Variants in TPD52 observed in about 807,000 individuals in gnomAD.
The protein encoded by TPD52 is tumor protein D52, also known as prostate and colon associated protein.
A neutral mutation model predicts 31.3 loss-of-function variants in TPD52; 17 were observed. The observed-to-expected ratio is 0.54, with a 90% CI of 0.37 to 0.82. The LOEUF is 0.82. Among genes scored for constraint, TPD52 ranks in the 40% least tolerant of loss-of-function variants. The pLI is 0.00. For missense variants in TPD52, 212 were observed against 240.1 expected, an observed-to-expected ratio of 0.88 and a Z score of 0.77; for synonymous variants, 83 against 89.6, an observed-to-expected ratio of 0.93 and a Z score of 0.42.
At chr8:80,062,664 A>G (rs906459868) in intron 2 of TPD52, among the ~76,000 whole-genome samples, 1 of 152,174 alleles carries the variant, frequency 6.6e-6, no homozygotes, top group African/African-American at 2.4e-5. Context: ...GTGCTTCCCA[A>G]AAAAACTTGA....
chr8:80,112,516 TAAAG>T (rs1807565522), intron 1 of TPD52, among the ~76,000 whole-genome samples: 3 of 152,180 alleles, frequency 2.0e-5, no homozygotes, highest in South Asian at 2.1e-4. Flanking sequence ...AGTCCATAAA[TAAAG>T]AAACACTAGA....
intron 1 of TPD52, among the ~76,000 whole-genome samples, chr8:80,096,178 C>T (rs948105127): frequency 4.0e-5 from 6 of 151,600 alleles, no homozygotes; most frequent in Admixed American, 1.3e-4. Context: ...ATTGTTTAAG[C>T]CCAGGTGGTC....
intron 1 of TPD52, among the ~76,000 whole-genome samples, chr8:80,069,358 C>T (rs991187320): frequency 6.6e-6 from 1 of 152,114 alleles, no homozygotes; most frequent in African/African-American, 2.4e-5. Context: ...CCCAGCTACT[C>T]AGGAGGCTGT....
At position 80,037,470 on chromosome 8, in the gene TPD52, C is replaced by T. The variant is rs997976009; in HGVS notation, c.*646G>A. On this transcript the variant is annotated 3_prime_UTR_variant, in exon 8 of 8. Coordinates refer to ENST00000518937, the MANE Select transcript of TPD52 (RefSeq NM_001025253.3). ...GTGCTAAATAATGATATAGGAGGTT[C>T]CACTCTCAAGTCACCTAGAAGTTTG... 1.8e-4 allele frequency: 28 copies of T among 152,114 alleles called. 1 individual carries two copies. The highest frequency in any genetic ancestry group is 1.8e-3 in the Admixed American group (28 of 15,276). The allele number at this position is 152,114 out of a possible 1,614,324, so 9.4% of individuals were successfully genotyped here. A position where few individuals can be genotyped will look rare whatever the true frequency, so the allele number is the denominator to read the frequency against.
At chr8:80,124,470 GC>G (rs1224012926) in intron 1 of TPD52, among the ~76,000 whole-genome samples, 5 of 152,156 alleles carry the variant, frequency 3.3e-5, no homozygotes, top group African/African-American at 2.4e-5. Flanking sequence ...ACCCTGCCCA[GC>G]CTGGCAAGTT....
At chr8:80,065,289 C>A (rs947708306) in intron 1 of TPD52, among the ~76,000 whole-genome samples, 1 of 114,118 alleles carries the variant, frequency 8.8e-6, no homozygotes, top group Non-Finnish European at 1.9e-5. Context: ...ATCTATATAT[C>A]TATATCTATC....
At chr8:80,076,502 A>AGAGGGTG (rs1348127398) in intron 1 of TPD52, among the ~76,000 whole-genome samples, 1 of 151,898 alleles carries the variant, frequency 6.6e-6, no homozygotes, top group African/African-American at 2.4e-5. Flanking sequence ...GGGGCCTACC[A>AGAGGGTG]GAGGGTGGAG....
chr8:80,099,292 T>C (rs1341088838), intron 1 of TPD52, among the ~76,000 whole-genome samples: 2 of 152,312 alleles, frequency 1.3e-5, no homozygotes, highest in South Asian at 4.1e-4. Flanking sequence ...TATTATAATA[T>C]CAAATGCCAT....
chr8:80,127,966 C>A (rs1447207339), intron 1 of TPD52, among the ~76,000 whole-genome samples: 1 of 151,348 alleles, frequency 6.6e-6, no homozygotes, highest in African/African-American at 2.4e-5. Flanking sequence ...CTCTTCTGTG[C>A]TGCTTGGTTT....
chr8:80,165,724 G>C (rs886966962), intron 1 of TPD52, among the ~76,000 whole-genome samples: 3 of 152,122 alleles, frequency 2.0e-5, no homozygotes, highest in African/African-American at 7.2e-5. Flanking sequence ...TTTTGACCTA[G>C]TATATAATCG....
intron 2 of TPD52, among the ~76,000 whole-genome samples, chr8:80,064,060 G>T (rs1169511012): frequency 6.7e-6 from 1 of 149,350 alleles, no homozygotes; most frequent in African/African-American, 2.5e-5. Flanking sequence ...GGAAGGGAAG[G>T]GAGGGGAGGG....
At chr8:80,138,638 T>C (rs188661791) in intron 1 of TPD52, among the ~76,000 whole-genome samples, 5 of 152,278 alleles carry the variant, frequency 3.3e-5, no homozygotes, top group Admixed American at 3.3e-4. Flanking sequence ...CACTCTCAAA[T>C]GTTGTAACCA....
At chr8:80,045,238 T>C (rs1810725891) in intron 5 of TPD52, among the ~76,000 whole-genome samples, 1 of 152,058 alleles carries the variant, frequency 6.6e-6, no homozygotes, top group Non-Finnish European at 1.5e-5. Flanking sequence ...TTTGGATCTA[T>C]CAAAGTGTGC....
rs564453064 is a variant in TPD52 at position 80,122,186 on chromosome 8, G to A, written c.19+49239C>T. 9.9e-5 allele frequency among the ~76,000 whole-genome samples: 15 copies of A among 152,190 alleles called. No homozygotes were observed. In the South Asian group the frequency reaches 2.9e-3, roughly 29 times the overall value. Reference sequence around the variant, plus strand: ...ATAAGGGCTTTCTCTATGGTGACACGTCACATCTCAAAACAAAACAGAAAG... The same window carrying A: ...ATAAGGGCTTTCTCTATGGTGACACATCACATCTCAAAACAAAACAGAAAG... On this transcript the variant is annotated intron_variant, in intron 1 of 7. Coordinates refer to ENST00000518937, the MANE Select transcript of TPD52 (RefSeq NM_001025253.3).
intron 1 of TPD52, among the ~76,000 whole-genome samples, chr8:80,155,363 G>A (rs12545300): frequency 0.46 from 70,339 of 151,860 alleles, 16,603 homozygotes; most frequent in East Asian, 0.72. Flanking sequence ...AGAAATTTAC[G>A]AAGAAGATTC....
rs1172147513 is a variant in TPD52, at chr8:80,037,395, A to G, written c.*721T>C. 6.6e-6 allele frequency: 1 copy of G among 152,202 alleles called. No homozygotes were observed. Among genetic ancestry groups the G allele is most frequent in the East Asian group, 1.9e-4 (1 of 5,198 alleles). The allele number at this position is 152,202 out of a possible 1,614,324, so 9.4% of individuals were successfully genotyped here. Reference sequence around the variant, plus strand: ...TTTTAACCTGGTGAAAAATAAGTTGATATAAGTGGTATAATAAACAATACA... The same window carrying G: ...TTTTAACCTGGTGAAAAATAAGTTGGTATAAGTGGTATAATAAACAATACA... On this transcript the variant is annotated 3_prime_UTR_variant, in exon 8 of 8. Transcript: ENST00000518937.
At chr8:80,154,735 ACACACACACACACACAC>A (rs1810819726) in intron 1 of TPD52, among the ~76,000 whole-genome samples, 4 of 141,552 alleles carry the variant, frequency 2.8e-5, no homozygotes, top group African/African-American at 1.2e-4. Flanking sequence ...ACACACACAC[ACACACACACACACACAC>A]AAAACACCTA....
At chr8:80,163,201 C>A (rs1811476666) in intron 1 of TPD52, among the ~76,000 whole-genome samples, 1 of 152,176 alleles carries the variant, frequency 6.6e-6, no homozygotes, top group South Asian at 2.1e-4. Flanking sequence ...TTATTCACAA[C>A]AGCCAAGATG....
At chr8:80,099,859 C>CAGAAGTAGAA (rs1337304551) in intron 1 of TPD52, among the ~76,000 whole-genome samples, 1 of 152,186 alleles carries the variant, frequency 6.6e-6, no homozygotes, top group African/African-American at 2.4e-5. Flanking sequence ...CTATTGAATG[C>CAGAAGTAGAA]AGAAGTAGAA....
Sources: allele counts gnomAD v4.1 joint callset (sites outside exome capture counted in the v4.1 genomes callset), GRCh38; gene constraint gnomAD v4.1.1; transcripts MANE v1.5; gene names NCBI Gene and HGNC (gene_info 2026-07-23, HGNC 2026-07-21).